The following HADHA variants were observed in gnomAD, a reference collection of about 807,000 sequenced individuals.
HADHA encodes the protein trifunctional enzyme subunit alpha, mitochondrial.
In HADHA, 59 loss-of-function variants were observed where a neutral mutation model predicts 91.3. That is an observed-to-expected ratio of 0.65 (90% CI 0.52 to 0.80). The LOEUF is 0.80. HADHA is among the 30% of genes least tolerant of loss of function. The probability of loss-of-function intolerance (pLI) is 0.00; values close to 1 mark genes in which losing one functional copy is unlikely to be tolerated. For synonymous variants in HADHA, 320 were observed against 338.9 expected, an observed-to-expected ratio of 0.94 and a Z score of 0.61; for missense variants, 800 against 927.6, an observed-to-expected ratio of 0.86 and a Z score of 1.79.
intron 1 of HADHA, among the ~76,000 whole-genome samples, chr2:26,241,254 TCAA>T (rs1037107263): frequency 3.9e-5 from 6 of 152,176 alleles, no homozygotes; most frequent in African/African-American, 1.4e-4. Flanking sequence ...GTTGTAATAA[TCAA>T]CAGCTTTTCT....
At chr2:26,211,315 G>C (rs929912971) in intron 10 of HADHA, among the ~76,000 whole-genome samples, 5 of 151,964 alleles carry the variant, frequency 3.3e-5, no homozygotes, top group African/African-American at 1.2e-4. Flanking sequence ...TGTTTTTCTG[G>C]TACTTGTCCT....
chr2:26,230,307 C>T lies in HADHA; in HGVS notation c.574-13G>A, dbSNP rs1025386078. The T allele has an allele frequency of 1.3e-6, 2 of 1,530,268 alleles. No individual in the cohort carries two copies. Among genetic ancestry groups the T allele is most frequent in the South Asian group, 2.2e-5 (2 of 89,456 alleles). 94.8% of individuals were successfully genotyped at this position (1,530,268 alleles called of 1,614,324 possible). A position where few individuals can be genotyped will look rare whatever the true frequency, so the allele number is the denominator to read the frequency against. On this transcript the variant is annotated splice_polypyrimidine_tract_variant and intron_variant, in intron 6 of 19. Coordinates refer to ENST00000380649, the MANE Select transcript of HADHA (RefSeq NM_000182.5). ...CAGGCACACCCACCTAACAGGCAAG[C>T]AAGGATGAGAATATAGGGGGAAAAA... is the stretch of plus-strand genomic sequence containing the variant.
intron 13 of HADHA, among the ~76,000 whole-genome samples, chr2:26,200,864 C>T (rs182948632): frequency 6.6e-6 from 1 of 152,100 alleles, no homozygotes; most frequent in East Asian, 1.9e-4. Context: ...TCCCAAATAG[C>T]TGGGACTACA....
At chr2:26,234,119 G>T in intron 5 of HADHA, 98 bp downstream of exon 5, 1 of 1,227,448 alleles carries the variant, frequency 8.1e-7, no homozygotes, top group Non-Finnish European at 1.2e-6. Context: ...TTCTCCTCCA[G>T]AAACTTTTTC....
intron 1 of HADHA, among the ~76,000 whole-genome samples, chr2:26,243,648 A>C (rs1558334215): frequency 6.6e-6 from 1 of 152,236 alleles, no homozygotes; most frequent in Non-Finnish European, 1.5e-5. Context: ...TTCATATTAC[A>C]AATTAAATTA....
At chr2:26,240,381 T>C (rs945194181) in intron 1 of HADHA, among the ~76,000 whole-genome samples, 5 of 152,158 alleles carry the variant, frequency 3.3e-5, no homozygotes, top group Admixed American at 1.3e-4. Flanking sequence ...ATATGATATC[T>C]GGGAAGAATC....
intron 7 of HADHA, among the ~76,000 whole-genome samples, chr2:26,215,467 T>A (rs1670195224): frequency 6.6e-6 from 1 of 152,200 alleles, no homozygotes; most frequent in South Asian, 2.1e-4. Flanking sequence ...TTATGTCTAC[T>A]GCAACCTGCA....
intron 7 of HADHA, among the ~76,000 whole-genome samples, chr2:26,215,975 C>T (rs979039548): frequency 6.6e-6 from 1 of 152,226 alleles, no homozygotes; most frequent in Non-Finnish European, 1.5e-5. Context: ...CAAGAGGTTA[C>T]AGAGCTAGGC....
chr2:26,212,004 A>G (rs1670111403), intron 10 of HADHA: 1 of 155,530 alleles, frequency 6.4e-6, no homozygotes, highest in African/African-American at 2.4e-5. Context: ...AAGGATTAGA[A>G]CTCTGTTCCT....
chr2:26,213,926 A>G (rs1308888014), intron 9 of HADHA, among the ~76,000 whole-genome samples: 1 of 152,198 alleles, frequency 6.6e-6, no homozygotes, highest in South Asian at 2.1e-4. Flanking sequence ...GAAAAGTTCT[A>G]AGTTTTAAAG....
chr2:26,196,778 G>C (rs143968471), intron 14 of HADHA, among the ~76,000 whole-genome samples: 3 of 152,232 alleles, frequency 2.0e-5, no homozygotes, highest in Admixed American at 2.0e-4. Context: ...CAAATGAACA[G>C]CAACGGCATC....
intron 17 of HADHA, 94 bp from the exon 18 acceptor site, chr2:26,192,518 G>A: frequency 3.8e-6 from 3 of 780,060 alleles, no homozygotes; most frequent in Non-Finnish European, 6.9e-6. Context: ...CAGGCGTGGT[G>A]GCTCACGCCT....
At chr2:26,200,894 G>T (rs765863788) in intron 13 of HADHA, among the ~76,000 whole-genome samples, 10 of 151,850 alleles carry the variant, frequency 6.6e-5, no homozygotes, top group African/African-American at 2.4e-4. Flanking sequence ...CACCATGCCC[G>T]GCTAATTTTT....
chr2:26,238,963 C>T lies in HADHA; in HGVS notation c.151G>A (p.Val51Ile). The change falls in exon 3 of 20, where the codon GTT (valine) becomes ATT (isoleucine). Residue 51 changes from valine to isoleucine, a missense_variant. By Grantham distance (29) the Val-to-Ile change is conservative. Transcript: ENST00000380649. Reference protein sequence around the residue: ...INYGVKGDVAVVRINSPNSKV... With the variant: ...INYGVKGDVAIVRINSPNSKV... Reference sequence around the variant, plus strand: ...GAATTGGGAGAGTTAATTCGAACAACTGCCACATCCCCTTTGACTCCATAG... The same window carrying T: ...GAATTGGGAGAGTTAATTCGAACAATTGCCACATCCCCTTTGACTCCATAG... 6.2e-7 allele frequency: 1 copy of T among 1,609,054 alleles called. No homozygotes were observed. The highest frequency in any genetic ancestry group is 8.5e-7 in the Non-Finnish European group (1 of 1,176,258).
At position 26,215,477 on chromosome 2, in the gene HADHA, A is replaced by G. The variant is rs141568592; in HGVS notation, c.677-302T>C. ...ATGCATTATGTCTACTGCAACCTGC[A>G]TTCTTGCTGCAAAACTGGAAAGAAA... On this transcript the variant is annotated intron_variant, in intron 7 of 19. Transcript: ENST00000380649. 1.6e-3 allele frequency among the ~76,000 whole-genome samples: 247 copies of G among 152,330 alleles called. 7 individuals carry two copies. Among genetic ancestry groups the G allele is most frequent in the African/African-American group, 5.7e-3 (236 of 41,580 alleles).
chr2:26,217,707 T>C (rs1368902), intron 7 of HADHA, among the ~76,000 whole-genome samples: 125,073 of 152,074 alleles, frequency 0.82, 51,792 homozygotes, highest in African/African-American at 0.93. Context: ...TTGAGACCAG[T>C]GTGGGCAACA....
intron 1 of HADHA, among the ~76,000 whole-genome samples, chr2:26,241,154 A>G (rs58487190): frequency 0.024 from 3,605 of 152,300 alleles, 155 homozygotes; most frequent in African/African-American, 0.08. Context: ...AATGTAACCC[A>G]AGAATAACTA....
Position 26,210,511 on chromosome 2 carries a change from A to AT in HADHA, c.976-623dup. 6.4e-6 allele frequency: 1 copy of AT among 155,124 alleles called. No individual in the cohort carries two copies. The highest frequency in any genetic ancestry group is 1.4e-5 in the Non-Finnish European group (1 of 70,050). The allele number at this position is 155,124 out of a possible 1,614,324, so 9.6% of individuals were successfully genotyped here. A position where few individuals can be genotyped will look rare whatever the true frequency, so the allele number is the denominator to read the frequency against. ...AGGTGCCCACCACCACGCCTGGCTA[A>AT]TTTTTTGTATCTGTAGTAGAGATGG... On this transcript the variant is annotated intron_variant, in intron 10 of 19. Coordinates refer to ENST00000380649, the MANE Select transcript of HADHA (RefSeq NM_000182.5). This position sits in a 1 kb window ranked among gnomAD's most constrained non-coding sequence, Gnocchi z 4.0.
rs13004974 is a variant in HADHA, at chr2:26,201,515, G to A, written c.1221-195C>T. 0.57 allele frequency among the ~76,000 whole-genome samples: 86,782 copies of A among 152,068 alleles called. 27,004 individuals are homozygous for A. Among genetic ancestry groups the A allele is most frequent in the Non-Finnish European group, 0.72 (48,752 of 67,968 alleles). ...GTCAAATAGCTTGATAAGGGAGGGT[G>A]CTAGCATTCAAAGACATGTTAACTC... is the stretch of plus-strand genomic sequence containing the variant. On this transcript the variant is annotated intron_variant, in intron 12 of 19. Transcript: ENST00000380649.
Sources: allele counts gnomAD v4.1 joint callset (sites outside exome capture counted in the v4.1 genomes callset), GRCh38; gene constraint gnomAD v4.1.1; non-coding constraint Gnocchi (gnomAD v3.1); transcripts MANE v1.5; gene names NCBI Gene and HGNC (gene_info 2026-07-23, HGNC 2026-07-21).